The following PCDHGA5 variants were observed in gnomAD, a reference collection of about 807,000 sequenced individuals.
PCDHGA5 encodes the protein protocadherin gamma subfamily A, 5.
PCDHGA5 carries 36 observed loss-of-function variants against 56.7 expected under a neutral mutation model. That is an observed-to-expected ratio of 0.64 (90% CI 0.49 to 0.84). The LOEUF (loss-of-function observed/expected upper bound fraction) is 0.84, where lower values mean the gene tolerates loss of function less well. PCDHGA5 is among the 40% of genes least tolerant of loss of function. The probability of loss-of-function intolerance (pLI) is 0.00; values close to 1 mark genes in which losing one functional copy is unlikely to be tolerated. For synonymous variants in PCDHGA5, 563 were observed against 520.2 expected, an observed-to-expected ratio of 1.08 and a Z score of -1.12; for missense variants, 1,305 against 1,201.5, an observed-to-expected ratio of 1.09 and a Z score of -1.27.
chr5:141,404,833 C>G (rs754055876), intron 1 of PCDHGA5: 1 of 1,613,844 alleles, frequency 6.2e-7, no homozygotes, highest in Admixed American at 1.7e-5. Flanking sequence ...GTGAAGTGCG[C>G]ACAGCTCGGG....
At position 141,431,245 on chromosome 5, in the gene PCDHGA5, C is replaced by T; in HGVS notation, c.2422-63562C>T. The T allele has an allele frequency of 1.2e-6, 2 of 1,614,134 alleles. No individual in the cohort carries two copies. The highest frequency in any genetic ancestry group is 1.7e-6 in the Non-Finnish European group (2 of 1,180,038). ...TACCCCACGCCTGGGATCCGGATATCGGGAAGAACTCTCTGCAGAGCTACG... is the reference window on the plus strand; with the variant it reads ...TACCCCACGCCTGGGATCCGGATATTGGGAAGAACTCTCTGCAGAGCTACG... On this transcript the variant is annotated intron_variant, in intron 1 of 3. Transcript: ENST00000518069. This position sits in a 1 kb window ranked among gnomAD's most constrained non-coding sequence, Gnocchi z 4.8.
intron 1 of PCDHGA5, chr5:141,413,324 G>A: frequency 6.2e-7 from 1 of 1,613,968 alleles, no homozygotes; most frequent in South Asian, 1.1e-5. Context: ...TCTTTCGTGG[G>A]CAACATCTCC....
intron 1 of PCDHGA5, among the ~76,000 whole-genome samples, chr5:141,475,442 T>A (rs1007534176): frequency 1.3e-5 from 2 of 152,238 alleles, no homozygotes; most frequent in African/African-American, 4.8e-5. Context: ...TAGCTCCAGA[T>A]AATGAGGAAG....
chr5:141,413,548 A>G, intron 1 of PCDHGA5: 1 of 1,613,946 alleles, frequency 6.2e-7, no homozygotes, highest in Non-Finnish European at 8.5e-7. Context: ...TGGGATAGAA[A>G]TAGAAGTAAC....
At chr5:141,458,870 C>G (rs540373442) in intron 1 of PCDHGA5, among the ~76,000 whole-genome samples, 1 of 152,264 alleles carries the variant, frequency 6.6e-6, no homozygotes, top group South Asian at 2.1e-4. Flanking sequence ...GTAGCTGGGA[C>G]TACAGGCATG....
At chr5:141,377,657 C>T (rs946526132) in intron 1 of PCDHGA5, 5 of 151,160 alleles carry the variant, frequency 3.3e-5, no homozygotes, top group East Asian at 1.9e-4. Flanking sequence ...TAACTATAAA[C>T]GACAGACGTT....
Position 141,432,038 on chromosome 5 carries a change from C to A in PCDHGA5, c.2422-62769C>A. On this transcript the variant is annotated intron_variant, in intron 1 of 3. Transcript: ENST00000518069. The surrounding 1 kb of genome is among the most constrained non-coding windows in gnomAD (Gnocchi z 6.0). ...CAACATCACAGTGACCGCCACTGAC[C>A]GGGGAACCCCGCCCCTATCCACGGA... 1 of 1,614,190 alleles carries A rather than the reference C, an allele frequency of 6.2e-7. No homozygotes were observed. The highest frequency in any genetic ancestry group is 1.1e-5 in the South Asian group (1 of 91,072).
intron 1 of PCDHGA5, among the ~76,000 whole-genome samples, chr5:141,480,874 G>A (rs1487409799): frequency 2.6e-5 from 4 of 151,950 alleles, no homozygotes; most frequent in African/African-American, 7.3e-5. Context: ...GTGAAACCCC[G>A]TCTCTACTAA....
chr5:141,376,294 C>G lies in PCDHGA5; in HGVS notation c.2421+9543C>G, dbSNP rs572453488. Reference sequence around the variant, plus strand: ...GAGGTGGCTTAGCGAGCATGCCCGGCTCGCACTTTGTGGGCGTGGAAGGGG... The same window carrying G: ...GAGGTGGCTTAGCGAGCATGCCCGGGTCGCACTTTGTGGGCGTGGAAGGGG... On this transcript the variant is annotated intron_variant, in intron 1 of 3. Transcript: ENST00000518069. 8.7e-6 allele frequency: 14 copies of G among 1,614,226 alleles called. No individual in the cohort carries two copies. The Admixed American group carries it at 2.3e-4, about 27-fold the overall frequency.
At chr5:141,419,757 G>C in intron 1 of PCDHGA5, 1 of 1,613,994 alleles carries the variant, frequency 6.2e-7, no homozygotes, top group Non-Finnish European at 8.5e-7. Flanking sequence ...CGTGCTTTGG[G>C]TGACAAGGAC....
chr5:141,433,837 C>CAAAAAAAAA (rs56191208), intron 1 of PCDHGA5, among the ~76,000 whole-genome samples: 1 of 111,704 alleles, frequency 9.0e-6, no homozygotes, highest in Non-Finnish European at 1.9e-5. Flanking sequence ...AACTCTATCT[C>CAAAAAAAAA]AAAAAAAAAA....
intron 1 of PCDHGA5, among the ~76,000 whole-genome samples, chr5:141,482,314 A>G (rs1279804501): frequency 6.6e-6 from 1 of 152,180 alleles, no homozygotes; most frequent in Admixed American, 6.5e-5. Flanking sequence ...TTCCTCATCT[A>G]TAAAATAAAG....
At chr5:141,375,345 C>G (rs749825552) in intron 1 of PCDHGA5, 9 of 1,613,740 alleles carry the variant, frequency 5.6e-6, no homozygotes, top group African/African-American at 1.3e-5. Context: ...TACAACATCA[C>G]TGTGACAGCC....
intron 2 of PCDHGA5, 30 bp from the exon 3 acceptor site, chr5:141,505,361 AGT>A: frequency 6.2e-7 from 1 of 1,613,910 alleles, no homozygotes; most frequent in Non-Finnish European, 8.5e-7. Context: ...CCGGCCTGGG[AGT>A]CTGTGCTCAC....
In PCDHGA5 at chr5:141,491,359, G is replaced by C. The variant is rs764159829; in HGVS notation, c.2422-3448G>C. 3 of 1,614,154 alleles carry C rather than the reference G, an allele frequency of 1.9e-6. No homozygotes were observed. In the East Asian group the frequency reaches 6.7e-5, roughly 36 times the overall value. On this transcript the variant is annotated intron_variant, in intron 1 of 3. Coordinates refer to ENST00000518069, the MANE Select transcript of PCDHGA5 (RefSeq NM_018918.3). This position sits in a 1 kb window ranked among gnomAD's most constrained non-coding sequence, Gnocchi z 6.9. ...AGCGACCGTCAGTCTCTTATCCCTA[G>C]TCACCTTCACCTTTCTGTCAGCGAA...
At position 141,432,001 on chromosome 5, in the gene PCDHGA5, G is replaced by T. The variant is rs755338230; in HGVS notation, c.2422-62806G>T. On this transcript the variant is annotated intron_variant, in intron 1 of 3. Coordinates refer to ENST00000518069, the MANE Select transcript of PCDHGA5 (RefSeq NM_018918.3). This position sits in a 1 kb window ranked among gnomAD's most constrained non-coding sequence, Gnocchi z 6.0. Reference sequence around the variant, plus strand: ...CAGACATAGTCTTGGATAGGGAACAGGTTCCTAGCTACAACATCACAGTGA... The same window carrying T: ...CAGACATAGTCTTGGATAGGGAACATGTTCCTAGCTACAACATCACAGTGA... 4 of 1,614,220 alleles carry T rather than the reference G, an allele frequency of 2.5e-6. No homozygotes were observed. In the East Asian group the frequency reaches 8.9e-5, roughly 36 times the overall value.
At chr5:141,500,446 T>C (rs2099800320) in intron 2 of PCDHGA5, among the ~76,000 whole-genome samples, 1 of 152,002 alleles carries the variant, frequency 6.6e-6, no homozygotes, top group South Asian at 2.1e-4. Context: ...CCTGACCTCG[T>C]GATCCGCCCG....
chr5:141,423,516 C>T (rs2096749721), intron 1 of PCDHGA5: 1 of 1,613,732 alleles, frequency 6.2e-7, no homozygotes, highest in Non-Finnish European at 8.5e-7. Flanking sequence ...TCATTGCGGA[C>T]TCGCAGAAGA....
chr5:141,474,289 T>C (rs11956411), intron 1 of PCDHGA5, among the ~76,000 whole-genome samples: 31,178 of 152,120 alleles, frequency 0.2, 3,304 homozygotes, highest in Admixed American at 0.31. Context: ...ACCCACTAGA[T>C]CAGTGCTTGT....
Sources: allele counts gnomAD v4.1 joint callset (sites outside exome capture counted in the v4.1 genomes callset), GRCh38; gene constraint gnomAD v4.1.1; non-coding constraint Gnocchi (gnomAD v3.1); transcripts MANE v1.5; gene names NCBI Gene and HGNC (gene_info 2026-07-23, HGNC 2026-07-21).